SWAP70: variants seen among roughly 807,000 people sequenced by gnomAD.
SWAP70 encodes switch-associated protein 70.
SWAP70 carries 34 observed loss-of-function variants against 80.2 expected under a neutral mutation model. The observed-to-expected ratio is 0.42, with a 90% CI of 0.32 to 0.56. SWAP70 has a LOEUF of 0.56. Ranked by LOEUF, SWAP70 falls within the 20% of genes least tolerant of loss-of-function variation. The probability of loss-of-function intolerance (pLI) is 0.09; values close to 1 mark genes in which losing one functional copy is unlikely to be tolerated. For synonymous variants in SWAP70, 239 were observed against 238.5 expected, an observed-to-expected ratio of 1.00 and a Z score of -0.02; for missense variants, 578 against 690.7, an observed-to-expected ratio of 0.84 and a Z score of 1.83.
intron 3 of SWAP70, among the ~76,000 whole-genome samples, chr11:9,718,657 A>G (rs1564827051): frequency 6.9e-6 from 1 of 144,364 alleles, no homozygotes; most frequent in Non-Finnish European, 1.5e-5. Flanking sequence ...TTTCATGAAC[A>G]TATAGGTGGG....
chr11:9,721,170 C>T (rs753531938), intron 3 of SWAP70, among the ~76,000 whole-genome samples: 8 of 152,088 alleles, frequency 5.3e-5, no homozygotes, highest in Non-Finnish European at 8.8e-5. Context: ...TTTCTCCTTC[C>T]CTCTTCCCTT....
chr11:9,705,412 G>A (rs868186841), intron 2 of SWAP70, among the ~76,000 whole-genome samples: 1 of 118,518 alleles, frequency 8.4e-6, no homozygotes, highest in Non-Finnish European at 1.7e-5. Context: ...GGTGATCTGT[G>A]TACACTTGGT....
chr11:9,737,868 C>T (rs1851383720), intron 7 of SWAP70, among the ~76,000 whole-genome samples: 1 of 152,160 alleles, frequency 6.6e-6, no homozygotes, highest in Non-Finnish European at 1.5e-5. Flanking sequence ...TGCACTCCAG[C>T]CTGGCGACAG....
At chr11:9,722,290 C>A (rs923274686) in intron 3 of SWAP70, among the ~76,000 whole-genome samples, 1 of 152,188 alleles carries the variant, frequency 6.6e-6, no homozygotes, top group Non-Finnish European at 1.5e-5. Context: ...TGAGGTACCA[C>A]GCTGAGCTTT....
At chr11:9,730,851 T>C (rs950314177) in intron 6 of SWAP70, among the ~76,000 whole-genome samples, 1 of 152,148 alleles carries the variant, frequency 6.6e-6, no homozygotes, top group African/African-American at 2.4e-5. Flanking sequence ...AATGCCGAAG[T>C]TTGGGGTATG....
intron 2 of SWAP70, among the ~76,000 whole-genome samples, chr11:9,712,016 C>T (rs1851005037): frequency 6.6e-6 from 1 of 152,144 alleles, no homozygotes; most frequent in African/African-American, 2.4e-5. Context: ...CCCTTTATCC[C>T]ATTCTTGATC....
intron 1 of SWAP70, among the ~76,000 whole-genome samples, chr11:9,680,200 A>G (rs913526108): frequency 3.9e-5 from 6 of 152,174 alleles, no homozygotes; most frequent in African/African-American, 1.4e-4. Context: ...CAAGAAGATA[A>G]TACATGAAAT....
At chr11:9,665,010 A>G (rs916526938) in intron 1 of SWAP70, among the ~76,000 whole-genome samples, 1 of 152,146 alleles carries the variant, frequency 6.6e-6, no homozygotes, top group Non-Finnish European at 1.5e-5. Context: ...CGGAGACCCT[A>G]GAGTATAGGG....
At chr11:9,732,039 G>C (rs990123856) in intron 6 of SWAP70, among the ~76,000 whole-genome samples, 8 of 152,134 alleles carry the variant, frequency 5.3e-5, no homozygotes, top group African/African-American at 1.9e-4. Context: ...CTCAGGAAGG[G>C]GTTGCATAAG....
chr11:9,738,387 G>A (rs1851392155), intron 8 of SWAP70, 67 bp downstream of exon 8: 3 of 1,195,118 alleles, frequency 2.5e-6, no homozygotes, highest in South Asian at 3.3e-5. Context: ...AACAGGGAAG[G>A]GCTGGAGGCT....
chr11:9,707,526 G>T (rs1850930958), intron 2 of SWAP70, among the ~76,000 whole-genome samples: 1 of 146,900 alleles, frequency 6.8e-6, no homozygotes, highest in African/African-American at 2.5e-5. Flanking sequence ...ATACTTCATT[G>T]TATGTATATA....
At chr11:9,737,402 G>T (rs1254871018) in intron 7 of SWAP70, among the ~76,000 whole-genome samples, 4 of 152,166 alleles carry the variant, frequency 2.6e-5, no homozygotes, top group African/African-American at 4.8e-5. Context: ...ATTTTAGAAT[G>T]TCCTTAGCAT....
At chr11:9,705,586 G>T (rs185610221) in intron 2 of SWAP70, among the ~76,000 whole-genome samples, 1 of 134,542 alleles carries the variant, frequency 7.4e-6, no homozygotes, top group Admixed American at 7.3e-5. Flanking sequence ...GGTGATCTGT[G>T]TACACTTGGT....
rs1456550294 is a variant in SWAP70 at position 9,732,209 on chromosome 11, T to C, written c.899-320T>C. 2.6e-5 allele frequency among the ~76,000 whole-genome samples: 4 copies of C among 152,192 alleles called. No individual in the cohort carries two copies. The East Asian group carries it at 5.8e-4, about 22-fold the overall frequency. ...TAGTTCTTAAAAATGTGTGCAATATTCCCAGATCGAGTGTTTCTGAGCACA... is the reference window on the plus strand; with the variant it reads ...TAGTTCTTAAAAATGTGTGCAATATCCCCAGATCGAGTGTTTCTGAGCACA... On this transcript the variant is annotated intron_variant, in intron 6 of 11. Coordinates refer to ENST00000318950, the MANE Select transcript of SWAP70 (RefSeq NM_015055.4).
chr11:9,709,052 C>T (rs1850959894), intron 2 of SWAP70, among the ~76,000 whole-genome samples: 2 of 151,998 alleles, frequency 1.3e-5, no homozygotes, highest in Admixed American at 1.3e-4. Flanking sequence ...ACTATAGGCA[C>T]AAACCACCAT....
intron 3 of SWAP70, among the ~76,000 whole-genome samples, chr11:9,722,873 CA>C (rs565128053): frequency 6.6e-6 from 1 of 152,096 alleles, no homozygotes; most frequent in Non-Finnish European, 1.5e-5. Context: ...TGTAAAAAAA[CA>C]AAATCAAGGA....
intron 4 of SWAP70, chr11:9,726,978 A>C (rs1277289479): frequency 2.2e-6 from 1 of 456,276 alleles, no homozygotes; most frequent in Non-Finnish European, 4.4e-6. Flanking sequence ...CAGAGGTGGA[A>C]GTCCTTGAAT....
intron 3 of SWAP70, among the ~76,000 whole-genome samples, chr11:9,715,449 A>G (rs894301718): frequency 6.6e-6 from 1 of 152,212 alleles, no homozygotes; most frequent in African/African-American, 2.4e-5. Flanking sequence ...TGTTGCACTT[A>G]TACCATGGAA....
rs535135618 is a variant in SWAP70, at chr11:9,709,189, T to G, written c.241-4277T>G. On this transcript the variant is annotated intron_variant, in intron 2 of 11. Coordinates refer to ENST00000318950, the MANE Select transcript of SWAP70 (RefSeq NM_015055.4). ...CCCAGGCTGGAGTGCAGCAGCACAG[T>G]CTTGCCTTCATTGCAGCCTCCACCT... 4.6e-5 allele frequency among the ~76,000 whole-genome samples: 7 copies of G among 152,170 alleles called. No individual in the cohort carries two copies. The East Asian group carries it at 1.2e-3, about 25-fold the overall frequency.
Sources: allele counts gnomAD v4.1 joint callset (sites outside exome capture counted in the v4.1 genomes callset), GRCh38; gene constraint gnomAD v4.1.1; transcripts MANE v1.5; gene names NCBI Gene and HGNC (gene_info 2026-07-23, HGNC 2026-07-21).